The following ITSN1 variants were observed in gnomAD, a reference collection of about 807,000 sequenced individuals.
The protein encoded by ITSN1 is intersectin 1.
ITSN1 carries 58 observed loss-of-function variants against 239.8 expected under a neutral mutation model. That is an observed-to-expected ratio of 0.24 (90% CI 0.20 to 0.30). ITSN1 has a LOEUF of 0.30. ITSN1 is among the 10% of genes least tolerant of loss of function. The pLI is 1.00. For missense variants in ITSN1, 1,558 were observed against 2,103.3 expected, an observed-to-expected ratio of 0.74 and a Z score of 5.07; for synonymous variants, 780 against 770.8, an observed-to-expected ratio of 1.01 and a Z score of -0.20.
chr21:33,687,014 C>T (rs1205580500), intron 1 of ITSN1, among the ~76,000 whole-genome samples: 2 of 152,132 alleles, frequency 1.3e-5, no homozygotes, highest in Non-Finnish European at 2.9e-5. Context: ...TTTTGGTTAA[C>T]TTTATAACTA....
At chr21:33,678,086 T>G (rs1197473726) in intron 1 of ITSN1, among the ~76,000 whole-genome samples, 5 of 152,250 alleles carry the variant, frequency 3.3e-5, no homozygotes, top group Admixed American at 3.3e-4. Flanking sequence ...GTCTGGCCTC[T>G]GTGCTTCTCC....
chr21:33,860,625 G>C (rs1980330053), intron 31 of ITSN1, among the ~76,000 whole-genome samples: 1 of 152,204 alleles, frequency 6.6e-6, no homozygotes, highest in African/African-American at 2.4e-5. Context: ...GTGGAGGTGG[G>C]AACTGACAGC....
At chr21:33,741,754 G>A (rs1041322501) in intron 5 of ITSN1, among the ~76,000 whole-genome samples, 3 of 150,992 alleles carry the variant, frequency 2.0e-5, no homozygotes, top group African/African-American at 2.4e-5. Flanking sequence ...AATTAACCAA[G>A]CATGGTGGCG....
chr21:33,706,095 C>T (rs2092239557), intron 1 of ITSN1, among the ~76,000 whole-genome samples: 1 of 152,210 alleles, frequency 6.6e-6, no homozygotes, highest in Non-Finnish European at 1.5e-5. Flanking sequence ...TCTCAGCTCA[C>T]TGCAACCTCT....
intron 26 of ITSN1, chr21:33,829,351 G>C: frequency 2.4e-6 from 1 of 410,122 alleles, no homozygotes; most frequent in South Asian, 2.6e-5. Flanking sequence ...AGCGGACTTC[G>C]TGGAGGGAAG....
intron 4 of ITSN1, among the ~76,000 whole-genome samples, chr21:33,725,765 G>A (rs900847492): frequency 6.6e-6 from 1 of 151,996 alleles, no homozygotes; most frequent in East Asian, 1.9e-4. Flanking sequence ...TTGTGATGGC[G>A]TATTTTACTA....
intron 25 of ITSN1, among the ~76,000 whole-genome samples, chr21:33,824,615 C>G (rs2073878589): frequency 6.6e-6 from 1 of 152,160 alleles, no homozygotes; most frequent in Non-Finnish European, 1.5e-5. Context: ...AGAGTGTATA[C>G]TGGGCTCTTA....
chr21:33,757,576 C>T lies in ITSN1; in HGVS notation c.724+2179C>T, dbSNP rs186092484. 1.3e-4 allele frequency among the ~76,000 whole-genome samples: 19 copies of T among 151,870 alleles called. No homozygotes were observed. In the East Asian group the frequency reaches 3.5e-3, roughly 28 times the overall value. ...TTTTTCCCTTTATGTACTTAGGAAT[C>T]AATATGAAGTATGTTTTATACTAAA... On this transcript the variant is annotated intron_variant, in intron 8 of 39. Transcript: ENST00000381318.
chr21:33,730,528 G>A (rs2066113624), intron 4 of ITSN1, among the ~76,000 whole-genome samples: 1 of 149,674 alleles, frequency 6.7e-6, no homozygotes, highest in Admixed American at 6.7e-5. Flanking sequence ...AGCCTCCTGA[G>A]TAGCTGGGAT....
chr21:33,878,006 CTTTG>C (rs1333113132), intron 34 of ITSN1, among the ~76,000 whole-genome samples: 16 of 103,320 alleles, frequency 1.5e-4, no homozygotes, highest in African/African-American at 5.6e-4. Context: ...TTCTCTCTCT[CTTTG>C]TGTGTGTGTG....
chr21:33,802,329 A>G (rs2072063252), intron 19 of ITSN1, 101 bp from the exon 20 acceptor site: 6 of 1,189,508 alleles, frequency 5.0e-6, no homozygotes, highest in Non-Finnish European at 7.4e-6. Context: ...GTTAACCACC[A>G]GCTTGATGAG....
At chr21:33,720,976 T>C (rs1024371218) in intron 2 of ITSN1, among the ~76,000 whole-genome samples, 4 of 152,186 alleles carry the variant, frequency 2.6e-5, no homozygotes, top group African/African-American at 9.7e-5. Flanking sequence ...CCATTCTCTC[T>C]CTTTCTGTTT....
chr21:33,824,163 G>A (rs1037060681), intron 25 of ITSN1, among the ~76,000 whole-genome samples: 1 of 152,172 alleles, frequency 6.6e-6, no homozygotes, highest in Non-Finnish European at 1.5e-5. Flanking sequence ...TTTTGGCTAG[G>A]CCTTAGAATC....
chr21:33,692,739 A>G lies in ITSN1; in HGVS notation c.-32-26058A>G, dbSNP rs187796501. Among the ~76,000 whole-genome samples, 45 of 152,298 alleles carry G rather than the reference A, an allele frequency of 3.0e-4. 1 individual carries two copies. The highest frequency in any genetic ancestry group is 2.7e-3 in the Admixed American group (41 of 15,296). ...AAATTAGGATTTCAGATGTTTGAAC[A>G]TAAAAGATAATTTTAAACATTGTCA... On this transcript the variant is annotated intron_variant, in intron 1 of 39. Transcript: ENST00000381318.
chr21:33,762,925 A>G (rs1602083186), intron 9 of ITSN1, among the ~76,000 whole-genome samples: 1 of 152,070 alleles, frequency 6.6e-6, no homozygotes, highest in Non-Finnish European at 1.5e-5. Flanking sequence ...CAGCCTCCCA[A>G]AATGCTGAGA....
intron 16 of ITSN1, among the ~76,000 whole-genome samples, chr21:33,791,496 C>T (rs1471028604): frequency 2.6e-5 from 4 of 152,144 alleles, no homozygotes; most frequent in African/African-American, 9.7e-5. Flanking sequence ...GTATTTGATA[C>T]ATTTAAAAAT....
chr21:33,866,241 A>G (rs1981553331), intron 32 of ITSN1, among the ~76,000 whole-genome samples: 1 of 152,134 alleles, frequency 6.6e-6, no homozygotes. Context: ...TTCTCAGCCT[A>G]GACTTGCCAG....
At chr21:33,755,789 G>A (rs1317184059) in intron 8 of ITSN1, among the ~76,000 whole-genome samples, 2 of 151,776 alleles carry the variant, frequency 1.3e-5, no homozygotes, top group African/African-American at 4.9e-5. Context: ...GTAAAAGCAG[G>A]GAGTTGAGAA....
chr21:33,779,547 A>G (rs1291188712), intron 14 of ITSN1, among the ~76,000 whole-genome samples: 1 of 152,170 alleles, frequency 6.6e-6, no homozygotes, highest in Non-Finnish European at 1.5e-5. Flanking sequence ...CCTAAATATC[A>G]GTTAGATCAA....
Sources: allele counts gnomAD v4.1 joint callset (sites outside exome capture counted in the v4.1 genomes callset), GRCh38; gene constraint gnomAD v4.1.1; transcripts MANE v1.5; gene names NCBI Gene and HGNC (gene_info 2026-07-23, HGNC 2026-07-21).